Variants in VTI1A observed in about 807,000 individuals in gnomAD.
VTI1A encodes the protein vesicle transport through interaction with t-SNAREs homolog 1A.
A neutral mutation model predicts 34.9 loss-of-function variants in VTI1A; 22 were observed. The ratio of observed to expected loss-of-function variants is 0.63; its 90% CI spans 0.45 to 0.90. The LOEUF (loss-of-function observed/expected upper bound fraction) is 0.90. Among genes scored for constraint, VTI1A ranks in the 40% least tolerant of loss-of-function variants. The probability of loss-of-function intolerance (pLI) is 0.00; values close to 1 mark genes in which losing one functional copy is unlikely to be tolerated. For missense variants in VTI1A, 268 were observed against 275.6 expected, an observed-to-expected ratio of 0.97 and a Z score of 0.20; for synonymous variants, 87 against 97.3, an observed-to-expected ratio of 0.89 and a Z score of 0.62.
chr10:112,675,012 A>G (rs574424920), intron 7 of VTI1A, among the ~76,000 whole-genome samples: 2 of 152,320 alleles, frequency 1.3e-5, no homozygotes, highest in East Asian at 1.9e-4. Flanking sequence ...AACTAGGTTC[A>G]TTGTTACAGT....
chr10:112,809,106 T>TG (rs1198161383), intron 7 of VTI1A, among the ~76,000 whole-genome samples: 3 of 152,170 alleles, frequency 2.0e-5, no homozygotes, highest in Non-Finnish European at 4.4e-5. Context: ...ATTCTCGCGA[T>TG]GGGGCTGAGG....
chr10:112,663,466 A>C (rs1313161292), intron 5 of VTI1A, among the ~76,000 whole-genome samples: 1 of 152,232 alleles, frequency 6.6e-6, no homozygotes, highest in Non-Finnish European at 1.5e-5. Context: ...GGTAATTTGC[A>C]TCTTTCTGTG....
At chr10:112,682,855 G>A (rs1848266115) in intron 7 of VTI1A, among the ~76,000 whole-genome samples, 1 of 152,216 alleles carries the variant, frequency 6.6e-6, no homozygotes, top group African/African-American at 2.4e-5. Context: ...GACTCAATTT[G>A]GATGGGCTTC....
chr10:112,612,205 G>A (rs896995830), intron 5 of VTI1A, among the ~76,000 whole-genome samples: 2 of 151,952 alleles, frequency 1.3e-5, no homozygotes, highest in Non-Finnish European at 2.9e-5. Context: ...ATTATCAATC[G>A]GGTACCCAAT....
At chr10:112,555,186 G>C (rs927856272) in intron 5 of VTI1A, among the ~76,000 whole-genome samples, 8 of 151,840 alleles carry the variant, frequency 5.3e-5, no homozygotes, top group Admixed American at 4.6e-4. Context: ...TATATTTAAA[G>C]TGCCTAAAAT....
chr10:112,815,139 GCACACACACACACACA>G (rs71489986), intron 7 of VTI1A, 135 bp from the exon 8 acceptor site: 1,911 of 180,926 alleles, frequency 0.011, 60 homozygotes, highest in African/African-American at 0.058. Context: ...TTTCGCGCGC[GCACACACACACACACA>G]CACACACACA....
chr10:112,659,822 T>A (rs886516729), intron 5 of VTI1A, among the ~76,000 whole-genome samples: 2 of 152,244 alleles, frequency 1.3e-5, no homozygotes, highest in East Asian at 1.9e-4. Context: ...TATAATTTTT[T>A]AAAATAATGT....
chr10:112,693,357 G>C (rs1287357455), intron 7 of VTI1A, among the ~76,000 whole-genome samples: 4 of 152,138 alleles, frequency 2.6e-5, no homozygotes, highest in Non-Finnish European at 1.5e-5. Context: ...GACCAGCCTG[G>C]CCAGCATGGT....
chr10:112,755,984 T>C (rs1036737348), intron 7 of VTI1A, among the ~76,000 whole-genome samples: 6 of 152,022 alleles, frequency 3.9e-5, no homozygotes, highest in African/African-American at 1.5e-4. Context: ...TGGTAAGTAC[T>C]GTACCAAAAG....
At chr10:112,642,496 G>C (rs1296639161) in intron 5 of VTI1A, among the ~76,000 whole-genome samples, 2 of 152,098 alleles carry the variant, frequency 1.3e-5, no homozygotes, top group East Asian at 3.8e-4. Context: ...TTTAAAAGCA[G>C]TTGCTGATTC....
chr10:112,554,180 CTG>C (rs925416301), intron 5 of VTI1A, among the ~76,000 whole-genome samples: 2 of 152,226 alleles, frequency 1.3e-5, no homozygotes, highest in Admixed American at 6.5e-5. Context: ...AATAATTCTG[CTG>C]TGTGTGTTTT....
At chr10:112,528,839 A>G (rs1850331100) in intron 4 of VTI1A, among the ~76,000 whole-genome samples, 2 of 152,122 alleles carry the variant, frequency 1.3e-5, no homozygotes, top group African/African-American at 4.8e-5. Context: ...CTTTATCGTA[A>G]TGGATGTTGT....
the VTI1A span, among the ~76,000 whole-genome samples, chr10:112,835,160 A>G: frequency 6.6e-6 from 1 of 152,114 alleles, no homozygotes; most frequent in Non-Finnish European, 1.5e-5. Flanking sequence ...GAGACCTCCC[A>G]AAGCCAAAAG....
the VTI1A span, among the ~76,000 whole-genome samples, chr10:112,830,849 A>ATATATATATATATATATATATTTTTTT: frequency 5.4e-4 from 18 of 33,484 alleles, no homozygotes; most frequent in South Asian, 1.6e-3. Context: ...ATATATATAT[A>ATATATATATATATATATATATTTTTTT]TTTTTTTTTT....
chr10:112,807,848 C>T (rs528206938), intron 7 of VTI1A, among the ~76,000 whole-genome samples: 34 of 150,210 alleles, frequency 2.3e-4, no homozygotes, highest in Admixed American at 1.7e-3. Context: ...AGTGAAACTC[C>T]GTCTCAAAAA....
intron 7 of VTI1A, chr10:112,752,300 C>T (rs1851131332): frequency 1.1e-6 from 1 of 931,482 alleles, no homozygotes; most frequent in East Asian, 1.2e-4. Context: ...GTCCCCTTCT[C>T]TGTTGTCATA....
intron 4 of VTI1A, among the ~76,000 whole-genome samples, chr10:112,531,061 CCTCACACACACA>C (rs1180311818): frequency 2.0e-3 from 178 of 90,318 alleles, no homozygotes; most frequent in African/African-American, 6.3e-3. Context: ...ACGTGACACA[CCTCACACACACA>C]CACACACACA....
chr10:112,747,344 G>C (rs1034773495), intron 7 of VTI1A, among the ~76,000 whole-genome samples: 1 of 152,228 alleles, frequency 6.6e-6, no homozygotes, highest in African/African-American at 2.4e-5. Flanking sequence ...ACATTACAGA[G>C]TGTGCTTACA....
At chr10:112,791,284 TCA>T (rs781222846) in intron 7 of VTI1A, among the ~76,000 whole-genome samples, 10 of 152,232 alleles carry the variant, frequency 6.6e-5, no homozygotes, top group Non-Finnish European at 1.3e-4. Context: ...GATATTATTT[TCA>T]GTTTTTTGTC....
Sources: allele counts gnomAD v4.1 joint callset (sites outside exome capture counted in the v4.1 genomes callset), GRCh38; gene constraint gnomAD v4.1.1; transcripts MANE v1.5; gene names NCBI Gene and HGNC (gene_info 2026-07-23, HGNC 2026-07-21).